The following DNAH10 variants were observed in gnomAD, a reference collection of about 807,000 sequenced individuals.
The protein encoded by DNAH10 is axonemal beta dynein heavy chain 10.
A neutral mutation model predicts 506.6 loss-of-function variants in DNAH10; 348 were observed. The observed-to-expected ratio is 0.69, with a 90% CI of 0.63 to 0.75. The LOEUF is 0.75. Ranked by LOEUF, DNAH10 falls within the 30% of genes least tolerant of loss-of-function variation. The pLI is 0.00. For missense variants in DNAH10, 5,179 were observed against 5,787.1 expected (o/e 0.89, Z 3.41); for synonymous variants, 2,059 against 2,198.6 (o/e 0.94, Z 1.78).
At position 123,907,681 on chromosome 12, in the gene DNAH10, A is replaced by C. The variant is rs1388335361; in HGVS notation, c.9816-1580A>C. On this transcript the variant is annotated intron_variant, in intron 57 of 78. Coordinates refer to ENST00000673944, the MANE Select transcript of DNAH10 (RefSeq NM_001372106.1). The surrounding 1 kb of genome is among the most constrained non-coding windows in gnomAD (Gnocchi z 4.4). ...GCCCAAGGGCTCAGGACCCCGCCGC[A>C]GGCCTGGGCTCCTTCTGTCTTGAAT... Among the ~76,000 whole-genome samples the C allele has an allele frequency of 6.6e-6, 1 of 152,120 alleles. No individual in the cohort carries two copies. Among genetic ancestry groups the C allele is most frequent in the Non-Finnish European group, 1.5e-5 (1 of 68,020 alleles).
chr12:123,840,937 G>A (rs1950752658), intron 29 of DNAH10, among the ~76,000 whole-genome samples: 1 of 152,186 alleles, frequency 6.6e-6, no homozygotes, highest in South Asian at 2.1e-4. Context: ...TTGCGCAATT[G>A]GATAGTGGGG....
chr12:123,928,048 T>C lies in DNAH10; in HGVS notation c.12106-339T>C. The C allele has an allele frequency of 2.5e-6, 1 of 395,274 alleles. No homozygotes were observed. The highest frequency in any genetic ancestry group is 4.6e-6 in the Non-Finnish European group (1 of 218,284). The allele number at this position is 395,274 out of a possible 1,614,324, so 24.5% of individuals were successfully genotyped here. A position where few individuals can be genotyped will look rare whatever the true frequency, so the allele number is the denominator to read the frequency against. On this transcript the variant is annotated intron_variant, in intron 69 of 78. Transcript: ENST00000673944. The surrounding 1 kb of genome is among the most constrained non-coding windows in gnomAD (Gnocchi z 4.9). ...GGACAGTCCCGACTTCCTGGTGGGC[T>C]TTAGCTGGTCTCTTGCAGCCCTGCT... is the stretch of plus-strand genomic sequence containing the variant.
rs1460088499 is a variant in DNAH10, at chr12:123,853,155, G to T, written c.6292-51G>T. 8.1e-6 allele frequency: 12 copies of T among 1,478,868 alleles called. No individual in the cohort carries two copies. The highest frequency in any genetic ancestry group is 1.9e-4 in the Middle Eastern group (1 of 5,388). The allele number at this position is 1,478,868 out of a possible 1,614,324, so 91.6% of individuals were successfully genotyped here. ...TGTAGAATGATGCTCCATTGCTTTT[G>T]AATCATTTTCTTTTTTCTTTTTTTT... On this transcript the variant is annotated intron_variant, in intron 35 of 78. Coordinates refer to ENST00000673944, the MANE Select transcript of DNAH10 (RefSeq NM_001372106.1). The surrounding 1 kb of genome is among the most constrained non-coding windows in gnomAD (Gnocchi z 4.7).
chr12:123,799,485 A>G, intron 14 of DNAH10, 114 bp downstream of exon 14: 1 of 1,389,110 alleles, frequency 7.2e-7, no homozygotes, highest in Non-Finnish European at 9.7e-7. Flanking sequence ...TCCAGAATCA[A>G]AGACAAGGAA....
At chr12:123,885,362 C>T (rs764217270) in intron 51 of DNAH10, among the ~76,000 whole-genome samples, 3 of 152,206 alleles carry the variant, frequency 2.0e-5, no homozygotes, top group Non-Finnish European at 2.9e-5. Context: ...TTTGGATATG[C>T]CACACATAAC....
intron 62 of DNAH10, 97 bp downstream of exon 62, chr12:123,915,096 C>T (rs1436466191): frequency 1.9e-5 from 27 of 1,405,580 alleles, no homozygotes; most frequent in South Asian, 3.0e-5. Context: ...CTAGCCTCAG[C>T]GAGGCTGGGC....
rs7967189 is a variant in DNAH10, at chr12:123,850,449, G to A, written c.6103-439G>A. Among the ~76,000 whole-genome samples, 3,901 of 152,258 alleles carry A rather than the reference G, an allele frequency of 0.026. 153 individuals are homozygous for A. Among genetic ancestry groups the A allele is most frequent in the African/African-American group, 0.088 (3,656 of 41,540 alleles). On this transcript the variant is annotated intron_variant, in intron 34 of 78. Coordinates refer to ENST00000673944, the MANE Select transcript of DNAH10 (RefSeq NM_001372106.1). This position sits in a 1 kb window ranked among gnomAD's most constrained non-coding sequence, Gnocchi z 5.5. ...CCAGGTGAGAGGAATGGAAGCCGGC[G>A]CTGTGTGAGGTGGTGGGCTGGGCGC...
intron 6 of DNAH10, among the ~76,000 whole-genome samples, chr12:123,782,334 C>CTG (rs1957687163): frequency 9.7e-6 from 1 of 102,814 alleles, no homozygotes; most frequent in African/African-American, 4.2e-5. Flanking sequence ...GCCCTGCCTC[C>CTG]CCTCCCCTCC....
At position 123,820,650 on chromosome 12, in the gene DNAH10, C is replaced by T. The variant is rs377117291; in HGVS notation, c.4071C>T (p.Asn1357=). The change falls in exon 24 of 79, where the codon AAC becomes AAT. Residue 1357 remains asparagine, a synonymous_variant. Transcript: ENST00000673944. ...AAAAGAGCCGTCAGGAACTGGCTAA[C>T]GCTGAGAAACTTTTCGATCTTCCTA... ...RHEKSRQELA[N]AEKLFDLPIT... is the part of the protein sequence containing the mutation. 162 of 1,613,966 alleles carry T rather than the reference C, an allele frequency of 1.0e-4. 1 individual carries two copies. The East Asian group carries it at 1.6e-3, about 16-fold the overall frequency.
At chr12:123,768,969 G>A (rs1300307533) in intron 2 of DNAH10, among the ~76,000 whole-genome samples, 1 of 151,960 alleles carries the variant, frequency 6.6e-6, no homozygotes, top group African/African-American at 2.4e-5. Context: ...GAAGTCCTGG[G>A]CTCAGGCAGT....
At chr12:123,884,830 C>A in intron 51 of DNAH10, among the ~76,000 whole-genome samples, 1 of 152,108 alleles carries the variant, frequency 6.6e-6, no homozygotes, top group East Asian at 1.9e-4. Context: ...GATGCAGAAG[C>A]GTCTAAAAAA....
rs996069048 is a variant in DNAH10 at position 123,894,525 on chromosome 12, T to A, written c.9200-118T>A. On this transcript the variant is annotated intron_variant, in intron 53 of 78. Coordinates refer to ENST00000673944, the MANE Select transcript of DNAH10 (RefSeq NM_001372106.1). ...CACCCGCCTTGGCCTCCCAAAGTGC[T>A]GGGATTACAGGTGTGAGCCACCACA... 6 of 862,788 alleles carry A rather than the reference T, an allele frequency of 7.0e-6. No homozygotes were observed. In the African/African-American group the frequency reaches 1.0e-4, roughly 15 times the overall value. 53.4% of individuals were successfully genotyped at this position (862,788 alleles called of 1,614,324 possible).
chr12:123,784,845 T>G (rs1431614859), intron 8 of DNAH10, among the ~76,000 whole-genome samples: 1 of 152,244 alleles, frequency 6.6e-6, no homozygotes, highest in Non-Finnish European at 1.5e-5. Context: ...ACTGATCCTG[T>G]GTGCAGTCTC....
rs765045164 is a variant in DNAH10, at chr12:123,804,994, T to G, written c.2941T>G (p.Tyr981Asp). The stretch of plus-strand genomic sequence containing the variant: ...CCCCAAGCTGGCCTCCTACTACAAA[T>G]ACTGGGAAAAGAAAATTTATGAGGT... ...KAPKLASYYKYWEKKIYEVLT... is the reference protein window; with the variant it reads ...KAPKLASYYKDWEKKIYEVLT... The change falls in exon 18 of 79, where the codon TAC becomes GAC. Residue 981 changes from tyrosine to aspartate, a missense_variant. By Grantham distance (160) the Tyr-to-Asp change is radical. Coordinates refer to ENST00000673944, the MANE Select transcript of DNAH10 (RefSeq NM_001372106.1). 19 of 1,614,054 alleles carry G rather than the reference T, an allele frequency of 1.2e-5. No homozygotes were observed. Among genetic ancestry groups the G allele is most frequent in the Non-Finnish European group, 1.5e-5 (18 of 1,180,044 alleles).
chr12:123,934,392 T>C (rs1955377866), intron 77 of DNAH10: 2 of 667,102 alleles, frequency 3.0e-6, no homozygotes, highest in African/African-American at 3.6e-5. Context: ...CCCACACCCA[T>C]TTCTCTGGGC....
chr12:123,806,985 G>C (rs997828621), intron 18 of DNAH10, among the ~76,000 whole-genome samples: 16 of 152,124 alleles, frequency 1.1e-4, no homozygotes, highest in Non-Finnish European at 1.5e-5. Context: ...AGCCAGGATG[G>C]TTTCAATGTC....
At chr12:123,855,621 G>A (rs1465048173) in intron 36 of DNAH10, among the ~76,000 whole-genome samples, 8 of 142,166 alleles carry the variant, frequency 5.6e-5, no homozygotes, top group Admixed American at 1.4e-4. Context: ...GTGACAGAGC[G>A]AGACCCTGTC....
At position 123,762,308 on chromosome 12, in the gene DNAH10, G is replaced by T; in HGVS notation, c.-29G>T. 2.4e-6 allele frequency: 3 copies of T among 1,233,350 alleles called. No homozygotes were observed. The highest frequency in any genetic ancestry group is 3.2e-5 in the East Asian group (1 of 31,682). The allele number at this position is 1,233,350 out of a possible 1,614,324, so 76.4% of individuals were successfully genotyped here. ...CCGTTGCCACGGACGCCCGCCCTGC[G>T]CCCGGCTCCCTCTGCACTGCGCGGC... is the stretch of plus-strand genomic sequence containing the variant. On this transcript the variant is annotated 5_prime_UTR_variant, in exon 1 of 79. Coordinates refer to ENST00000673944, the MANE Select transcript of DNAH10 (RefSeq NM_001372106.1). This position sits in a 1 kb window ranked among gnomAD's most constrained non-coding sequence, Gnocchi z 5.0.
At chr12:123,864,143 C>CTTTTTTTTTTT (rs770676668) in intron 39 of DNAH10, among the ~76,000 whole-genome samples, 28 of 117,144 alleles carry the variant, frequency 2.4e-4, no homozygotes, top group Non-Finnish European at 3.4e-4. Flanking sequence ...ACTTTTTTTT[C>CTTTTTTTTTTT]TTTTTTTTTT....
Sources: allele counts gnomAD v4.1 joint callset (sites outside exome capture counted in the v4.1 genomes callset), GRCh38; gene constraint gnomAD v4.1.1; non-coding constraint Gnocchi (gnomAD v3.1); transcripts MANE v1.5; gene names NCBI Gene and HGNC (gene_info 2026-07-23, HGNC 2026-07-21).